Variants in RCBTB2 observed in about 807,000 individuals in gnomAD.
The protein encoded by RCBTB2 is RCC1 and BTB domain-containing protein 2.
RCBTB2 carries 55 observed loss-of-function variants against 65.4 expected under a neutral mutation model. The ratio of observed to expected loss-of-function variants is 0.84; its 90% CI spans 0.68 to 1.05. The LOEUF (loss-of-function observed/expected upper bound fraction) is 1.05. Ranked by LOEUF, RCBTB2 falls within the 50% of genes least tolerant of loss-of-function variation. The pLI is 0.00. For missense variants in RCBTB2, 599 were observed against 680.1 expected (o/e 0.88, Z 1.33); for synonymous variants, 220 against 255.2 (o/e 0.86, Z 1.31).
intron 12 of RCBTB2, among the ~76,000 whole-genome samples, chr13:48,500,179 G>C (rs901242210): frequency 1.3e-5 from 2 of 152,212 alleles, no homozygotes; most frequent in African/African-American, 4.8e-5. Flanking sequence ...GACCTTACTA[G>C]GAAAGAGAGC....
At chr13:48,518,610 G>A (rs1215729937) in intron 4 of RCBTB2, among the ~76,000 whole-genome samples, 15 of 151,242 alleles carry the variant, frequency 9.9e-5, no homozygotes, top group African/African-American at 3.6e-4. Context: ...TTATATGCAA[G>A]TGTAAAACTA....
At chr13:48,494,120 A>C (rs1005458625) in intron 14 of RCBTB2, among the ~76,000 whole-genome samples, 1 of 152,174 alleles carries the variant, frequency 6.6e-6, no homozygotes, top group African/African-American at 2.4e-5. Context: ...TCATTTATAA[A>C]CTGGATCTAA....
chr13:48,500,331 G>A (rs1019708379), intron 12 of RCBTB2, among the ~76,000 whole-genome samples: 4 of 152,108 alleles, frequency 2.6e-5, no homozygotes, highest in South Asian at 2.1e-4. Context: ...AGGCCGAGGC[G>A]GGTGGATCAC....
At chr13:48,529,267 A>G (rs1951972102) in intron 1 of RCBTB2, among the ~76,000 whole-genome samples, 1 of 152,232 alleles carries the variant, frequency 6.6e-6, no homozygotes, top group Non-Finnish European at 1.5e-5. Flanking sequence ...AAAAATCTTA[A>G]CACGCCTGCT....
chr13:48,502,860 C>T lies in RCBTB2; in HGVS notation c.981G>A (p.Gln327=), dbSNP rs773862078. The T allele has an allele frequency of 1.9e-6, 3 of 1,614,048 alleles. No individual in the cohort carries two copies. In the African/African-American group the frequency reaches 4.0e-5, roughly 22 times the overall value. The part of the protein sequence containing the change: ...HSTHTSAAKT[Q]GGHVYMWGQC... ...GGCCCCACATGTACACGTGCCCACC[C>T]TGCGTCTTGGCCGCAGACGTGTGTG... Residue 327 remains glutamine (Q), a synonymous_variant, in exon 11 of 15, where the codon CAG becomes CAA. Transcript: ENST00000344532.
At chr13:48,530,287 C>A (rs1158936271) in intron 1 of RCBTB2, among the ~76,000 whole-genome samples, 1 of 152,080 alleles carries the variant, frequency 6.6e-6, no homozygotes, top group Non-Finnish European at 1.5e-5. Flanking sequence ...CTGATAAAAC[C>A]AAACTTGAAT....
Position 48,489,431 on chromosome 13 carries a change from T to G in RCBTB2, c.*680A>C, listed in dbSNP as rs1278912125. 1 of 152,258 alleles carries G rather than the reference T, an allele frequency of 6.6e-6. No individual in the cohort carries two copies. Among genetic ancestry groups the G allele is most frequent in the Non-Finnish European group, 1.5e-5 (1 of 68,076 alleles). The allele number at this position is 152,258 out of a possible 1,614,324, so 9.4% of individuals were successfully genotyped here. On this transcript the variant is annotated 3_prime_UTR_variant, in exon 15 of 15. Coordinates refer to ENST00000344532, the MANE Select transcript of RCBTB2 (RefSeq NM_001268.4). ...TACTCCATAATCCCATGTGAGAAATTAATGAATGACTCCAAGTAAAAAGAA... is the reference window on the plus strand; with the variant it reads ...TACTCCATAATCCCATGTGAGAAATGAATGAATGACTCCAAGTAAAAAGAA...
At chr13:48,490,645 T>A (rs1240718565) in intron 14 of RCBTB2, among the ~76,000 whole-genome samples, 4 of 152,250 alleles carry the variant, frequency 2.6e-5, no homozygotes, top group African/African-American at 9.6e-5. Context: ...TCAGCGTCTT[T>A]AAGTATGTCT....
At chr13:48,499,136 ACACACACTCTCT>A (rs1950111252) in intron 13 of RCBTB2, among the ~76,000 whole-genome samples, 1 of 147,616 alleles carries the variant, frequency 6.8e-6, no homozygotes, top group African/African-American at 2.6e-5. Context: ...ACACACACAC[ACACACACTCTCT>A]CTCTCTCTCT....
At chr13:48,492,665 G>C (rs1388582907) in intron 14 of RCBTB2, 2 of 152,352 alleles carry the variant, frequency 1.3e-5, no homozygotes, top group African/African-American at 2.4e-5. Flanking sequence ...GTGTGGTTCG[G>C]ACTTCTTCCT....
At chr13:48,500,430 C>T (rs1390191941) in intron 12 of RCBTB2, among the ~76,000 whole-genome samples, 3 of 152,044 alleles carry the variant, frequency 2.0e-5, no homozygotes, top group African/African-American at 4.8e-5. Flanking sequence ...TGGTGGTGTG[C>T]GCCTGTAATC....
intron 1 of RCBTB2, among the ~76,000 whole-genome samples, chr13:48,529,777 T>G (rs903682393): frequency 6.6e-5 from 10 of 151,930 alleles, no homozygotes; most frequent in Non-Finnish European, 1.5e-4. Flanking sequence ...AAGTAAAATC[T>G]CCAAGTAGAA....
intron 1 of RCBTB2, among the ~76,000 whole-genome samples, 179 bp from the exon 2 acceptor site, chr13:48,524,936 A>G (rs1951627450): frequency 6.6e-6 from 1 of 152,200 alleles, no homozygotes; most frequent in Non-Finnish European, 1.5e-5. Context: ...AAAATACTAA[A>G]GTTATAAAAT....
chr13:48,506,907 C>G (rs967530021), intron 10 of RCBTB2, among the ~76,000 whole-genome samples: 1 of 152,212 alleles, frequency 6.6e-6, no homozygotes, highest in Non-Finnish European at 1.5e-5. Context: ...TGGAGCACAA[C>G]AGCATCCTTC....
rs1354735644 is a variant in RCBTB2, at chr13:48,512,034, T to G, written c.657A>C (p.Ala219=). 6.2e-7 allele frequency: 1 copy of G among 1,614,114 alleles called. No individual in the cohort carries two copies. Among genetic ancestry groups the G allele is most frequent in the Non-Finnish European group, 8.5e-7 (1 of 1,179,924 alleles). Residue 219 remains alanine, a synonymous_variant, in exon 8 of 15, where the codon GCA becomes GCC. Coordinates refer to ENST00000344532, the MANE Select transcript of RCBTB2 (RefSeq NM_001268.4). ...TIACGQMCCM[A]VVDTGEVYVW... Reference sequence around the variant, plus strand: ...TCCTTACCTCCCCCGTGTCTACTACTGCCATGCAGCACATCTGCCCACATG... The same window carrying G: ...TCCTTACCTCCCCCGTGTCTACTACGGCCATGCAGCACATCTGCCCACATG...
chr13:48,511,795 G>A lies in RCBTB2; in HGVS notation c.758C>T (p.Ala253Val). ...CCTCTGGACACGGATGCCTTGCAAA[G>A]CTGCCACTCTGCAAGGGGTTGGCTG... ...GNQPTPCRVA[A>V]LQGIRVQRVA... Residue 253 changes from alanine to valine, a missense_variant, in exon 9 of 15, where the codon GCT (alanine) becomes GTT (valine). Physicochemically the swap from Ala to Val is moderately conservative, Grantham distance 64. Coordinates refer to ENST00000344532, the MANE Select transcript of RCBTB2 (RefSeq NM_001268.4). 1 of 1,614,100 alleles carries A rather than the reference G, an allele frequency of 6.2e-7. No homozygotes were observed. Among genetic ancestry groups the A allele is most frequent in the Non-Finnish European group, 8.5e-7 (1 of 1,180,024 alleles).
At chr13:48,510,246 A>AAG (rs1327002551) in intron 10 of RCBTB2, among the ~76,000 whole-genome samples, 2 of 152,308 alleles carry the variant, frequency 1.3e-5, no homozygotes, top group Non-Finnish European at 2.9e-5. Context: ...CATGCAAGGT[A>AAG]CCTTTTCCTA....
intron 4 of RCBTB2, among the ~76,000 whole-genome samples, chr13:48,517,977 G>C (rs1362347558): frequency 1.3e-5 from 2 of 152,144 alleles, no homozygotes; most frequent in African/African-American, 4.8e-5. Context: ...AGGGAAGAAG[G>C]CCAGATGACA....
chr13:48,513,240 T>C (rs559998372), intron 6 of RCBTB2, among the ~76,000 whole-genome samples: 1 of 152,234 alleles, frequency 6.6e-6, no homozygotes, highest in Non-Finnish European at 1.5e-5. Flanking sequence ...TTAATTTCCT[T>C]ATCTTTAAAA....
Sources: allele counts gnomAD v4.1 joint callset (sites outside exome capture counted in the v4.1 genomes callset), GRCh38; gene constraint gnomAD v4.1.1; transcripts MANE v1.5; gene names NCBI Gene and HGNC (gene_info 2026-07-23, HGNC 2026-07-21).